The following FHIT variants were observed in gnomAD, a reference collection of about 807,000 sequenced individuals.
The protein encoded by FHIT is fragile histidine triad diadenosine triphosphatase.
A neutral mutation model predicts 17.9 loss-of-function variants in FHIT; 19 were observed. The observed-to-expected ratio is 1.06, with a 90% CI of 0.74 to 1.56. FHIT has a LOEUF of 1.56. Ranked by LOEUF, FHIT falls within the 40% of genes most tolerant of loss-of-function variation. The pLI, the probability that FHIT is intolerant of heterozygous loss-of-function variation, is 0.00. For missense variants in FHIT, 248 were observed against 189.2 expected, an observed-to-expected ratio of 1.31 and a Z score of -1.82; for synonymous variants, 81 against 69.7, an observed-to-expected ratio of 1.16 and a Z score of -0.81.
At chr3:59,900,540 G>A (rs1484989130) in intron 8 of FHIT, among the ~76,000 whole-genome samples, 1 of 152,164 alleles carries the variant, frequency 6.6e-6, no homozygotes, top group Non-Finnish European at 1.5e-5. Flanking sequence ...CCTTGCACTT[G>A]AATCCCCCAT....
chr3:59,858,315 C>A (rs1049225226), intron 8 of FHIT, among the ~76,000 whole-genome samples: 2 of 148,438 alleles, frequency 1.3e-5, no homozygotes, highest in Non-Finnish European at 3.0e-5. Context: ...CAACCTCCAC[C>A]TCCTGGGTTC....
At chr3:60,232,768 C>T (rs1299723095) in intron 5 of FHIT, among the ~76,000 whole-genome samples, 1 of 152,170 alleles carries the variant, frequency 6.6e-6, no homozygotes, top group Non-Finnish European at 1.5e-5. Context: ...CCTGAGTGAT[C>T]TCCTGGCTTC....
chr3:60,060,580 C>G (rs1178530994), intron 5 of FHIT, among the ~76,000 whole-genome samples: 1 of 152,126 alleles, frequency 6.6e-6, no homozygotes. Flanking sequence ...AGTATACTAC[C>G]TACTTTGAAT....
intron 8 of FHIT, among the ~76,000 whole-genome samples, chr3:59,897,916 G>A (rs1022820321): frequency 5.3e-5 from 8 of 152,022 alleles, no homozygotes; most frequent in Non-Finnish European, 1.0e-4. Flanking sequence ...ACAGGCACCC[G>A]CCACCACGCC....
At chr3:60,395,364 G>T (rs1701395285) in intron 5 of FHIT, among the ~76,000 whole-genome samples, 1 of 152,120 alleles carries the variant, frequency 6.6e-6, no homozygotes, top group African/African-American at 2.4e-5. Context: ...TGCAGACACT[G>T]AGGATTAGAA....
chr3:61,250,103 G>C (rs2040581856), intron 1 of FHIT, among the ~76,000 whole-genome samples: 1 of 152,180 alleles, frequency 6.6e-6, no homozygotes, highest in African/African-American at 2.4e-5. Flanking sequence ...CGAGTCAAGC[G>C]GCTGCTCTAC....
chr3:60,688,505 C>T (rs1402383831), intron 4 of FHIT, among the ~76,000 whole-genome samples: 1 of 151,178 alleles, frequency 6.6e-6, no homozygotes. Context: ...AATCTCAGCT[C>T]ACTGCACCCT....
intron 5 of FHIT, among the ~76,000 whole-genome samples, chr3:60,085,088 C>T (rs1264925263): frequency 1.3e-5 from 2 of 152,142 alleles, no homozygotes; most frequent in African/African-American, 4.8e-5. Context: ...TGACAACAGA[C>T]TTAGGCAAGT....
rs111615981 is a variant in FHIT, at chr3:60,628,241, G to C, written c.-17-91262C>G. Among the ~76,000 whole-genome samples, 677 of 152,184 alleles carry C rather than the reference G, an allele frequency of 4.4e-3. 4 individuals carry two copies. The highest frequency in any genetic ancestry group is 0.016 in the African/African-American group (650 of 41,526). ...TTTAGGAGTGTGTTGTTTAAGTTCT[G>C]TGTATTTGCAAGTTTCCAAAAATAT... On this transcript the variant is annotated intron_variant, in intron 4 of 9. Coordinates refer to ENST00000492590, the MANE Select transcript of FHIT (RefSeq NM_002012.4).
intron 2 of FHIT, among the ~76,000 whole-genome samples, chr3:61,059,165 G>C (rs559850457): frequency 6.6e-6 from 1 of 152,086 alleles, no homozygotes; most frequent in Admixed American, 6.5e-5. Context: ...TTTTAAAATC[G>C]TCCATTTGAA....
At chr3:60,965,403 G>T (rs1195509160) in intron 3 of FHIT, among the ~76,000 whole-genome samples, 3 of 152,150 alleles carry the variant, frequency 2.0e-5, no homozygotes, top group South Asian at 2.1e-4. Flanking sequence ...GGAGAAGTTT[G>T]TTATTCTGAT....
intron 4 of FHIT, among the ~76,000 whole-genome samples, chr3:60,755,608 G>GT (rs2042556370): frequency 2.0e-5 from 3 of 152,256 alleles, no homozygotes; most frequent in South Asian, 4.2e-4. Flanking sequence ...AGTCACATCA[G>GT]TATTTCAGAG....
chr3:59,764,487 T>G (rs1701692215), intron 8 of FHIT, among the ~76,000 whole-genome samples: 1 of 152,202 alleles, frequency 6.6e-6, no homozygotes, highest in South Asian at 2.1e-4. Context: ...TACTCACCCG[T>G]TGGAAGTTAC....
At position 60,281,808 on chromosome 3, in the gene FHIT, C is replaced by A. The variant is rs756395729; in HGVS notation, c.103+255052G>T. 2.6e-5 allele frequency among the ~76,000 whole-genome samples: 4 copies of A among 151,740 alleles called. No individual in the cohort carries two copies. The East Asian group carries it at 5.8e-4, about 22-fold the overall frequency. Reference sequence around the variant, plus strand: ...AGATATAACAACAAAAAATTATCTACAAAAAAAATTTTAAATTGAATTGTA... The same window carrying A: ...AGATATAACAACAAAAAATTATCTAAAAAAAAAATTTTAAATTGAATTGTA... On this transcript the variant is annotated intron_variant, in intron 5 of 9. Coordinates refer to ENST00000492590, the MANE Select transcript of FHIT (RefSeq NM_002012.4).
At chr3:60,532,697 T>A (rs2035831030) in intron 5 of FHIT, among the ~76,000 whole-genome samples, 1 of 152,216 alleles carries the variant, frequency 6.6e-6, no homozygotes, top group Non-Finnish European at 1.5e-5. Flanking sequence ...ACAGAAGCGT[T>A]TGCTTCAGGT....
At chr3:59,905,842 A>T (rs888320745) in intron 8 of FHIT, among the ~76,000 whole-genome samples, 3 of 152,226 alleles carry the variant, frequency 2.0e-5, no homozygotes, top group Non-Finnish European at 4.4e-5. Context: ...ATCATAGGTA[A>T]GTTTCTATAC....
intron 7 of FHIT, among the ~76,000 whole-genome samples, chr3:59,964,735 A>T (rs1707842164): frequency 6.6e-6 from 1 of 152,172 alleles, no homozygotes; most frequent in South Asian, 2.1e-4. Context: ...TAATTTCATG[A>T]TGCTGCACAT....
intron 8 of FHIT, among the ~76,000 whole-genome samples, chr3:59,847,218 G>A (rs1247661713): frequency 1.3e-5 from 2 of 151,986 alleles, no homozygotes; most frequent in African/African-American, 4.8e-5. Flanking sequence ...CAATGCATAC[G>A]TTGGTTCACT....
intron 5 of FHIT, among the ~76,000 whole-genome samples, chr3:60,413,434 G>A (rs1413702874): frequency 6.6e-6 from 1 of 152,122 alleles, no homozygotes; most frequent in African/African-American, 2.4e-5. Context: ...TCAGAACATA[G>A]GAGTTACTTG....
Sources: allele counts gnomAD v4.1 joint callset (sites outside exome capture counted in the v4.1 genomes callset), GRCh38; gene constraint gnomAD v4.1.1; transcripts MANE v1.5; gene names NCBI Gene and HGNC (gene_info 2026-07-23, HGNC 2026-07-21).